Variants in NSD1 observed in about 807,000 individuals in gnomAD.
The protein encoded by NSD1 is histone-lysine N-methyltransferase, H3 lysine-36 specific.
In NSD1, 26 loss-of-function variants were observed where a neutral mutation model predicts 242.7. The ratio of observed to expected loss-of-function variants is 0.11; its 90% CI spans 0.08 to 0.15. The LOEUF is 0.15. Among genes scored for constraint, NSD1 ranks in the 10% least tolerant of loss-of-function variants. NSD1 has a pLI of 1.00. For synonymous variants in NSD1, 1,106 were observed against 1,178.1 expected (o/e 0.94, Z 1.25); for missense variants, 2,495 against 3,272.8 (o/e 0.76, Z 5.80).
intron 5 of NSD1, among the ~76,000 whole-genome samples, chr5:177,222,104 C>T (rs1480266539): frequency 2.0e-5 from 3 of 151,976 alleles, no homozygotes; most frequent in African/African-American, 4.8e-5. Flanking sequence ...AGCCATCGCA[C>T]CCGGCCCCCA....
chr5:177,279,102 C>T (rs1334559868), intron 17 of NSD1, among the ~76,000 whole-genome samples: 2 of 152,176 alleles, frequency 1.3e-5, no homozygotes, highest in Non-Finnish European at 2.9e-5. Context: ...TGCCTGTAGT[C>T]CCAACTACTT....
chr5:177,231,827 C>T (rs1281036889), intron 5 of NSD1, among the ~76,000 whole-genome samples: 4 of 152,024 alleles, frequency 2.6e-5, no homozygotes, highest in Non-Finnish European at 5.9e-5. Context: ...AAATCTTATT[C>T]TCCTGCCTTT....
intron 4 of NSD1, among the ~76,000 whole-genome samples, chr5:177,204,740 A>G (rs1762753739): frequency 6.6e-6 from 1 of 152,092 alleles, no homozygotes; most frequent in Non-Finnish European, 1.5e-5. Context: ...GTAGTAGAAT[A>G]TCTGTGAGAA....
intron 10 of NSD1, 172 bp from the exon 11 acceptor site, chr5:177,248,009 T>A: frequency 4.1e-6 from 4 of 985,424 alleles, no homozygotes; most frequent in Non-Finnish European, 4.8e-6. Context: ...AGGCGCCCAC[T>A]ACCCGCCCAA....
chr5:177,214,870 G>T (rs1338210451), intron 5 of NSD1, among the ~76,000 whole-genome samples: 1 of 151,640 alleles, frequency 6.6e-6, no homozygotes, highest in Non-Finnish European at 1.5e-5. Flanking sequence ...TGGCTAATTT[G>T]TTTTGTATTT....
chr5:177,276,935 T>C (rs976587799), intron 17 of NSD1, among the ~76,000 whole-genome samples: 2 of 152,196 alleles, frequency 1.3e-5, no homozygotes, highest in Non-Finnish European at 2.9e-5. Flanking sequence ...TCACAATGTA[T>C]GTGAAAATAT....
intron 2 of NSD1, among the ~76,000 whole-genome samples, chr5:177,190,673 G>GTTT (rs1001135152): frequency 6.9e-6 from 1 of 144,986 alleles, no homozygotes; most frequent in African/African-American, 2.5e-5. Context: ...CTAATCCCAG[G>GTTT]TTTTTTTTTT....
chr5:177,178,157 A>T (rs1018411137), intron 2 of NSD1, among the ~76,000 whole-genome samples: 2 of 152,124 alleles, frequency 1.3e-5, no homozygotes, highest in African/African-American at 4.8e-5. Context: ...TGGCCTGCTA[A>T]AGTGCTTGAA....
chr5:177,210,309 G>T lies in NSD1; in HGVS notation c.1910G>T (p.Ser637Ile), dbSNP rs1472557921. 6.2e-7 allele frequency: 1 copy of T among 1,613,418 alleles called. No individual in the cohort carries two copies. Among genetic ancestry groups the T allele is most frequent in the East Asian group, 2.2e-5 (1 of 44,872 alleles). ...GAGGAAAAGCGAAGTGATTCCATTA[G>T]TATCTGTACCACTTCTGATGATGGA... ...GDEEKRSDSI[S>I]ICTTSDDGSS... Residue 637 changes from serine to isoleucine, a missense_variant, in exon 5 of 23, where the codon AGT becomes ATT. Ser to Ile is a moderately radical substitution (Grantham distance 142, BLOSUM62 -2). Transcript: ENST00000439151.
At chr5:177,265,919 T>G in intron 14 of NSD1, 1 of 1,437,454 alleles carries the variant, frequency 7.0e-7, no homozygotes, top group Non-Finnish European at 9.8e-7. Flanking sequence ...CTTGACGGTG[T>G]AGATGTCTAC....
chr5:177,280,934 C>A, intron 18 of NSD1, 100 bp downstream of exon 18: 1 of 1,287,682 alleles, frequency 7.8e-7, no homozygotes, highest in Non-Finnish European at 1.1e-6. Flanking sequence ...GAAAATAACA[C>A]AGTTAATAAT....
intron 2 of NSD1, among the ~76,000 whole-genome samples, chr5:177,137,932 G>A (rs918585206): frequency 4.0e-5 from 6 of 151,848 alleles, no homozygotes; most frequent in Admixed American, 1.3e-4. Context: ...AAAATTAGCC[G>A]GGCGTGATGG....
At chr5:177,243,386 C>T (rs1230097509) in intron 8 of NSD1, among the ~76,000 whole-genome samples, 2 of 152,070 alleles carry the variant, frequency 1.3e-5, no homozygotes, top group Non-Finnish European at 1.5e-5. Flanking sequence ...CGGGGTTTCA[C>T]CATATTGGCC....
chr5:177,171,306 C>CAA (rs753503756), intron 2 of NSD1, among the ~76,000 whole-genome samples: 6 of 134,978 alleles, frequency 4.4e-5, no homozygotes, highest in African/African-American at 1.6e-4. Context: ...ACTCCGTCTC[C>CAA]AAAAAAAAAA....
At chr5:177,141,722 A>C (rs964357953) in intron 2 of NSD1, among the ~76,000 whole-genome samples, 1 of 151,720 alleles carries the variant, frequency 6.6e-6, no homozygotes, top group African/African-American at 2.4e-5. Context: ...TTCTGCTGCT[A>C]CTCCACTCTA....
intron 2 of NSD1, among the ~76,000 whole-genome samples, chr5:177,157,696 T>TA (rs1221883717): frequency 6.6e-6 from 1 of 152,178 alleles, no homozygotes; most frequent in African/African-American, 2.4e-5. Flanking sequence ...GAACAACTGT[T>TA]ACCACTGTCT....
intron 2 of NSD1, among the ~76,000 whole-genome samples, chr5:177,172,961 C>CAAAA (rs1157349270): frequency 1.5e-4 from 10 of 65,980 alleles, no homozygotes; most frequent in African/African-American, 4.9e-4. Flanking sequence ...GACCCTGTCT[C>CAAAA]AAAAAAAAAA....
chr5:177,168,219 A>G (rs1459990937), intron 2 of NSD1, among the ~76,000 whole-genome samples: 1 of 152,172 alleles, frequency 6.6e-6, no homozygotes, highest in Non-Finnish European at 1.5e-5. Context: ...AAATTTATTC[A>G]TAGGTACAAA....
Position 177,204,200 on chromosome 5 carries a change from G to A in NSD1, c.1144G>A (p.Ala382Thr). 1 of 1,614,158 alleles carries A rather than the reference G, an allele frequency of 6.2e-7. No homozygotes were observed. Among genetic ancestry groups the A allele is most frequent in the Non-Finnish European group, 8.5e-7 (1 of 1,180,014 alleles). Residue 382 changes from alanine to threonine, a missense_variant, in exon 4 of 23, where the codon GCA becomes ACA. Ala to Thr is a moderately conservative substitution (Grantham distance 58). This residue lies in a region of NSD1 where 65 missense variants were observed against 136.2 expected (regional missense o/e 0.48). Coordinates refer to ENST00000439151, the MANE Select transcript of NSD1 (RefSeq NM_022455.5). ...TGAGAGAGCCTGGGTGGCTGGAAAA[G>A]CAATCGTCATGTTTGAAGGCAGACA... ...PSERAWVAGK[A>T]IVMFEGRHQF...
Sources: allele counts gnomAD v4.1 joint callset (sites outside exome capture counted in the v4.1 genomes callset), GRCh38; gene constraint gnomAD v4.1.1; regional missense constraint gnomAD v4.1.1; transcripts MANE v1.5; gene names NCBI Gene and HGNC (gene_info 2026-07-23, HGNC 2026-07-21).